HIVEP2: variants seen among roughly 807,000 people sequenced by gnomAD.
The protein encoded by HIVEP2 is transcription factor HIVEP2.
In HIVEP2, 14 loss-of-function variants were observed where a neutral mutation model predicts 180.7. The ratio of observed to expected loss-of-function variants is 0.08; its 90% CI spans 0.05 to 0.12. The LOEUF is 0.12. Ranked by LOEUF, HIVEP2 falls within the 10% of genes least tolerant of loss-of-function variation. HIVEP2 has a pLI of 1.00. For missense variants in HIVEP2, 2,579 were observed against 3,008.5 expected (o/e 0.86, Z 3.34); for synonymous variants, 1,184 against 1,136.4 (o/e 1.04, Z -0.84).
intron 1 of HIVEP2, among the ~76,000 whole-genome samples, chr6:142,867,381 C>A (rs1776166975): frequency 6.6e-6 from 1 of 152,142 alleles, no homozygotes; most frequent in Admixed American, 6.6e-5. Context: ...TGGTATTTAT[C>A]ATCATGGCAT....
At position 142,769,717 on chromosome 6, in the gene HIVEP2, G is replaced by A; in HGVS notation, c.5022C>T (p.Cys1674=). The A allele has an allele frequency of 6.2e-7, 1 of 1,614,198 alleles. No individual in the cohort carries two copies. Among genetic ancestry groups the A allele is most frequent in the Non-Finnish European group, 8.5e-7 (1 of 1,180,036 alleles). Residue 1674 remains cysteine, a synonymous_variant, in exon 5 of 10, where the codon TGC becomes TGT. Transcript: ENST00000367603. ...TFKSSVYASW[C]ISSCNPNPSG... ...ATGGGTTTGGATTACAGGAACTAAT[G>A]CACCATGAAGCATAAACCGAGGATT...
At position 142,801,413 on chromosome 6, in the gene HIVEP2, CAAA is replaced by C. The variant is rs10569495; in HGVS notation, c.-527-17801_-527-17799del. On this transcript the variant is annotated intron_variant, in intron 2 of 9. Coordinates refer to ENST00000367603, the MANE Select transcript of HIVEP2 (RefSeq NM_006734.4). The stretch of plus-strand genomic sequence containing the variant: ...TGGGAGACAGAGTGAGACTCTGTCT[CAAA>C]AAAAAAAAAAAAAAAAAATTCTCAC... 4.5e-3 allele frequency among the ~76,000 whole-genome samples: 466 copies of C among 102,840 alleles called. 2 individuals are homozygous for C. Among genetic ancestry groups the C allele is most frequent in the African/African-American group, 0.012 (309 of 26,760 alleles). The allele number at this position is 102,840 out of a possible 152,430, so 67.5% of individuals were successfully genotyped here. A position where few individuals can be genotyped will look rare whatever the true frequency, so the allele number is the denominator to read the frequency against.
Position 142,770,496 on chromosome 6 carries a change from G to A in HIVEP2, c.4243C>T (p.Leu1415Phe), listed in dbSNP as rs751807229. 4 of 1,614,070 alleles carry A rather than the reference G, an allele frequency of 2.5e-6. 1 individual carries two copies. The South Asian group carries it at 3.3e-5, about 13-fold the overall frequency. ...PIWKAPQTLP[L>F]GLESSIPLCL... Reference sequence around the variant, plus strand: ...AAGGGGATGGAGGATTCTAAGCCGAGGGGCAAAGTCTGAGGTGCTTTCCAA... The same window carrying A: ...AAGGGGATGGAGGATTCTAAGCCGAAGGGCAAAGTCTGAGGTGCTTTCCAA... The change falls in exon 5 of 10, where the codon CTC (leucine) becomes TTC (phenylalanine). Residue 1415 changes from leucine (L) to phenylalanine (F), a missense_variant. Transcript: ENST00000367603. The surrounding 1 kb of genome is among the most constrained non-coding windows in gnomAD (Gnocchi z 4.7).
chr6:142,759,792 G>A lies in HIVEP2; in HGVS notation c.6496C>T (p.Pro2166Ser), dbSNP rs1372647610. The change falls in exon 9 of 10, where the codon CCA (proline) becomes TCA (serine). Residue 2166 changes from proline (P) to serine (S), a missense_variant. Coordinates refer to ENST00000367603, the MANE Select transcript of HIVEP2 (RefSeq NM_006734.4). ...LSMGQYLQAE[P>S]IVLGPPNLRR... ...CTTACAGGAGGCCCCAATACAATTGGCTCTGCTTGCAAATACTGTCCCATG... is the reference window on the plus strand; with the variant it reads ...CTTACAGGAGGCCCCAATACAATTGACTCTGCTTGCAAATACTGTCCCATG... 5.6e-6 allele frequency: 9 copies of A among 1,605,306 alleles called. No homozygotes were observed. The highest frequency in any genetic ancestry group is 7.6e-6 in the Non-Finnish European group (9 of 1,177,046).
At chr6:142,769,488 C>A in intron 5 of HIVEP2, 64 bp downstream of exon 5, 1 of 1,391,120 alleles carries the variant, frequency 7.2e-7, no homozygotes, top group South Asian at 1.3e-5. Context: ...ATATCCTTCA[C>A]TATGTAGTCT....
chr6:142,782,918 T>G (rs1373150760), intron 3 of HIVEP2, among the ~76,000 whole-genome samples: 1 of 152,260 alleles, frequency 6.6e-6, no homozygotes, highest in Non-Finnish European at 1.5e-5. Context: ...ACTTTTCTAC[T>G]GAGATGTTTT....
chr6:142,879,710 ACAGT>A (rs559724977), intron 1 of HIVEP2, among the ~76,000 whole-genome samples: 64 of 152,194 alleles, frequency 4.2e-4, no homozygotes, highest in African/African-American at 1.5e-3. Context: ...TGCAGATCAC[ACAGT>A]CAGATACTTC....
At chr6:142,942,083 G>C (rs549195509) in intron 1 of HIVEP2, among the ~76,000 whole-genome samples, 2 of 152,198 alleles carry the variant, frequency 1.3e-5, no homozygotes, top group South Asian at 4.1e-4. Context: ...ATGGATTATA[G>C]TTTCACTCAT....
At position 142,775,101 on chromosome 6, in the gene HIVEP2, G is replaced by T. The variant is rs1775664129; in HGVS notation, c.-363C>A. The T allele has an allele frequency of 9.9e-7, 1 of 1,009,026 alleles. No individual in the cohort carries two copies. Among genetic ancestry groups the T allele is most frequent in the Admixed American group, 5.7e-5 (1 of 17,644 alleles). The allele number at this position is 1,009,026 out of a possible 1,614,324, so 62.5% of individuals were successfully genotyped here. A position where few individuals can be genotyped will look rare whatever the true frequency, so the allele number is the denominator to read the frequency against. Reference sequence around the variant, plus strand: ...CCATCAACTAGAGCAAAGTTCAATTGCCAGTTTCACTAAGATAAAATGATC... The same window carrying T: ...CCATCAACTAGAGCAAAGTTCAATTTCCAGTTTCACTAAGATAAAATGATC... On this transcript the variant is annotated 5_prime_UTR_variant, in exon 5 of 10. Coordinates refer to ENST00000367603, the MANE Select transcript of HIVEP2 (RefSeq NM_006734.4).
At chr6:142,790,000 C>T (rs1296726171) in intron 2 of HIVEP2, among the ~76,000 whole-genome samples, 1 of 151,968 alleles carries the variant, frequency 6.6e-6, no homozygotes, top group Non-Finnish European at 1.5e-5. Context: ...TATTTAGTAT[C>T]CAAAGCAAAA....
At position 142,770,782 on chromosome 6, in the gene HIVEP2, G is replaced by A. The variant is rs190613471; in HGVS notation, c.3957C>T (p.Ala1319=). The change falls in exon 5 of 10, where the codon GCC becomes GCT. Residue 1319 remains alanine, a synonymous_variant. Coordinates refer to ENST00000367603, the MANE Select transcript of HIVEP2 (RefSeq NM_006734.4). This position sits in a 1 kb window ranked among gnomAD's most constrained non-coding sequence, Gnocchi z 4.7. Reference sequence around the variant, plus strand: ...ACTGCAAAGACCCAGCATTTGCCGAGGCAAAATCTTCTTGAAGAACCTGCT... The same window carrying A: ...ACTGCAAAGACCCAGCATTTGCCGAAGCAAAATCTTCTTGAAGAACCTGCT... ...PSEQVLQEDF[A]SANAGSLQSL... is the part of the protein sequence containing the mutation. 3.1e-6 allele frequency: 5 copies of A among 1,614,076 alleles called. No individual in the cohort carries two copies. Among genetic ancestry groups the A allele is most frequent in the Non-Finnish European group, 4.2e-6 (5 of 1,180,052 alleles).
intron 1 of HIVEP2, among the ~76,000 whole-genome samples, chr6:142,942,158 T>G (rs1778193455): frequency 6.6e-6 from 1 of 152,176 alleles, no homozygotes; most frequent in South Asian, 2.1e-4. Context: ...CAAATTGACT[T>G]TAGCTAATTA....
intron 1 of HIVEP2, among the ~76,000 whole-genome samples, chr6:142,876,399 G>C (rs1327469867): frequency 6.6e-6 from 1 of 152,060 alleles, no homozygotes; most frequent in Non-Finnish European, 1.5e-5. Context: ...GAAGAACTTT[G>C]AGCAGGAAAG....
rs752073706 is a variant in HIVEP2, at chr6:142,769,573, A to C, written c.5166T>G (p.Ser1722Arg). 6.2e-7 allele frequency: 1 copy of C among 1,614,112 alleles called. No individual in the cohort carries two copies. The highest frequency in any genetic ancestry group is 1.7e-5 in the Admixed American group (1 of 60,026). Residue 1722 changes from serine to arginine, a missense_variant, in exon 5 of 10, where the codon AGT becomes AGG. Ser to Arg is a moderately radical substitution (Grantham distance 110). Coordinates refer to ENST00000367603, the MANE Select transcript of HIVEP2 (RefSeq NM_006734.4). ...RPGTGKLTSS[S>R]AWKQFTQMKP... The stretch of plus-strand genomic sequence containing the variant: ...TTACCTGAGTAAACTGCTTCCAAGC[A>C]CTTGATGATGTAAGCTTGCCGGTTC...
intron 1 of HIVEP2, among the ~76,000 whole-genome samples, chr6:142,847,259 C>T (rs1282264381): frequency 6.6e-6 from 1 of 152,142 alleles, no homozygotes; most frequent in East Asian, 1.9e-4. Context: ...AAACATAGAG[C>T]TATTTTCAGC....
intron 1 of HIVEP2, among the ~76,000 whole-genome samples, chr6:142,937,306 C>T (rs904636109): frequency 2.0e-5 from 3 of 152,162 alleles, no homozygotes. Flanking sequence ...TTTACTGTCA[C>T]AACAATTTGA....
intron 2 of HIVEP2, among the ~76,000 whole-genome samples, chr6:142,833,572 C>G (rs1344769233): frequency 6.6e-6 from 1 of 152,136 alleles, no homozygotes; most frequent in African/African-American, 2.4e-5. Flanking sequence ...TTAGTTAATA[C>G]TTACTGATGG....
In HIVEP2 at chr6:142,842,472, GA is replaced by G. The variant is rs1380473027; in HGVS notation, c.-640-5426del. Among the ~76,000 whole-genome samples the G allele has an allele frequency of 7.2e-5, 11 of 151,830 alleles. No homozygotes were observed. The South Asian group carries it at 1.7e-3, about 23-fold the overall frequency. On this transcript the variant is annotated intron_variant, in intron 1 of 9. Transcript: ENST00000367603. ...GAAGGACAAAAAGAAAAAATGGGAAGAAAAAAAAGACCTGAACGTCTGTGTG... is the reference window on the plus strand; with the variant it reads ...GAAGGACAAAAAGAAAAAATGGGAAGAAAAAAAGACCTGAACGTCTGTGTG...
At chr6:142,791,759 A>G (rs1159795800) in intron 2 of HIVEP2, among the ~76,000 whole-genome samples, 1 of 152,210 alleles carries the variant, frequency 6.6e-6, no homozygotes, top group Non-Finnish European at 1.5e-5. Flanking sequence ...ATTTAAATCA[A>G]TTTCAATGAC....
Sources: allele counts gnomAD v4.1 joint callset (sites outside exome capture counted in the v4.1 genomes callset), GRCh38; gene constraint gnomAD v4.1.1; non-coding constraint Gnocchi (gnomAD v3.1); transcripts MANE v1.5; gene names NCBI Gene and HGNC (gene_info 2026-07-23, HGNC 2026-07-21).